Variants in ZDHHC2 observed in about 807,000 individuals in gnomAD.
ZDHHC2 encodes the protein zDHHC palmitoyltransferase 2.
A neutral mutation model predicts 55.6 loss-of-function variants in ZDHHC2; 51 were observed. That is an observed-to-expected ratio of 0.92 (90% CI 0.73 to 1.16). ZDHHC2 has a LOEUF of 1.16. ZDHHC2 is among the 50% of genes most tolerant of loss of function. The pLI is 0.00. For missense variants in ZDHHC2, 491 were observed against 442.4 expected (o/e 1.11, Z -0.99); for synonymous variants, 199 against 152.9 (o/e 1.30, Z -2.22).
chr8:17,217,237 C>T lies in ZDHHC2; in HGVS notation c.*25C>T, dbSNP rs1186732591. On this transcript the variant is annotated 3_prime_UTR_variant, in exon 12 of 13. Coordinates refer to ENST00000262096, the MANE Select transcript of ZDHHC2 (RefSeq NM_016353.5). ...ACTCTTCAAGCAAGATAAATTCATACTTTATAAAAGTACGATAATTTTCCC... is the reference window on the plus strand; with the variant it reads ...ACTCTTCAAGCAAGATAAATTCATATTTTATAAAAGTACGATAATTTTCCC... 1 of 1,599,490 alleles carries T rather than the reference C, an allele frequency of 6.3e-7. No homozygotes were observed. The highest frequency in any genetic ancestry group is 8.5e-7 in the Non-Finnish European group (1 of 1,172,312).
At chr8:17,200,431 C>T (rs1806695249) in intron 6 of ZDHHC2, among the ~76,000 whole-genome samples, 1 of 152,180 alleles carries the variant, frequency 6.6e-6, no homozygotes, top group African/African-American at 2.4e-5. Flanking sequence ...TGTTAAGCAC[C>T]CTCCTTTCTG....
intron 3 of ZDHHC2, among the ~76,000 whole-genome samples, chr8:17,192,902 C>G (rs58880203): frequency 6.6e-6 from 1 of 152,184 alleles, no homozygotes; most frequent in Non-Finnish European, 1.5e-5. Flanking sequence ...ATGTTCTTGG[C>G]ATCTGTGTTG....
rs80301750 is a variant in ZDHHC2 at position 17,199,616 on chromosome 8, T to G, written c.476+1203T>G. On this transcript the variant is annotated intron_variant, in intron 6 of 12. Transcript: ENST00000262096. ...TCTTCTTCTTTATTCTTTCTTCTTCTTCTTCTTCCTTTCTTCTTCTTCTCC... is the reference window on the plus strand; with the variant it reads ...TCTTCTTCTTTATTCTTTCTTCTTCGTCTTCTTCCTTTCTTCTTCTTCTCC... Among the ~76,000 whole-genome samples the G allele has an allele frequency of 5.0e-4, 27 of 53,560 alleles. 1 individual carries two copies. Among genetic ancestry groups the G allele is most frequent in the Non-Finnish European group, 1.6e-3 (21 of 12,912 alleles). The allele number at this position is 53,560 out of a possible 152,430, so 35.1% of individuals were successfully genotyped here.
chr8:17,160,435 G>C (rs998544827), intron 1 of ZDHHC2, among the ~76,000 whole-genome samples: 4 of 152,192 alleles, frequency 2.6e-5, no homozygotes, highest in Non-Finnish European at 5.9e-5. Flanking sequence ...AAAGCTTAAA[G>C]GTCATCCAGG....
chr8:17,168,172 G>A (rs1189669422), intron 1 of ZDHHC2, among the ~76,000 whole-genome samples: 2 of 152,092 alleles, frequency 1.3e-5, no homozygotes, highest in East Asian at 3.8e-4. Flanking sequence ...CCTATTGACT[G>A]AAAAAGGTCA....
At chr8:17,219,323 A>G (rs1807804305) in intron 12 of ZDHHC2, among the ~76,000 whole-genome samples, 1 of 151,512 alleles carries the variant, frequency 6.6e-6, no homozygotes, top group Admixed American at 6.6e-5. Context: ...TTTGAACTAC[A>G]ATAGTAAATG....
At chr8:17,219,524 A>G (rs1181471111) in intron 12 of ZDHHC2, among the ~76,000 whole-genome samples, 1 of 152,086 alleles carries the variant, frequency 6.6e-6, no homozygotes, top group East Asian at 1.9e-4. Context: ...GCGGAGGCCA[A>G]GGCAAGCAGA....
intron 1 of ZDHHC2, among the ~76,000 whole-genome samples, chr8:17,175,353 AT>A (rs1805077707): frequency 6.6e-6 from 1 of 152,068 alleles, no homozygotes; most frequent in Non-Finnish European, 1.5e-5. Flanking sequence ...ATTGTAATTT[AT>A]TTGCATTTTT....
intron 3 of ZDHHC2, among the ~76,000 whole-genome samples, chr8:17,189,237 A>G (rs1207455012): frequency 1.3e-5 from 2 of 151,040 alleles, no homozygotes; most frequent in Admixed American, 1.3e-4. Context: ...TCTTTATACA[A>G]ATGGTACCTT....
At chr8:17,174,964 C>T (rs994324223) in intron 1 of ZDHHC2, among the ~76,000 whole-genome samples, 9 of 151,912 alleles carry the variant, frequency 5.9e-5, no homozygotes, top group African/African-American at 1.7e-4. Flanking sequence ...TGGGCTCAAG[C>T]GATCCAGCTG....
At chr8:17,181,632 C>T (rs910779249) in intron 1 of ZDHHC2, among the ~76,000 whole-genome samples, 4 of 152,156 alleles carry the variant, frequency 2.6e-5, no homozygotes, top group African/African-American at 9.7e-5. Context: ...AATTGAAATT[C>T]TGTCTGTGAA....
intron 11 of ZDHHC2, among the ~76,000 whole-genome samples, chr8:17,216,803 A>G (rs1324685270): frequency 6.6e-6 from 1 of 152,148 alleles, no homozygotes; most frequent in Non-Finnish European, 1.5e-5. Flanking sequence ...AAGAAAAATG[A>G]GGTGAGAAAG....
chr8:17,213,582 A>T (rs1431715757), intron 10 of ZDHHC2, among the ~76,000 whole-genome samples: 1 of 152,082 alleles, frequency 6.6e-6, no homozygotes, highest in Admixed American at 6.6e-5. Flanking sequence ...AGCTCTTATT[A>T]TCACCTGACT....
chr8:17,156,882 C>T (rs1322184819), intron 1 of ZDHHC2, 29 bp downstream of exon 1: 2 of 1,476,530 alleles, frequency 1.4e-6, no homozygotes, highest in African/African-American at 1.5e-5. Context: ...GCGGCGCCCC[C>T]AGCGCAGCGC....
chr8:17,210,956 C>T (rs1454177924), intron 10 of ZDHHC2, among the ~76,000 whole-genome samples: 2 of 151,956 alleles, frequency 1.3e-5, no homozygotes, highest in Admixed American at 6.6e-5. Context: ...GACTTAGTGC[C>T]CTTGGAAGAC....
chr8:17,178,884 T>A (rs1418301842), intron 1 of ZDHHC2, among the ~76,000 whole-genome samples: 1 of 152,254 alleles, frequency 6.6e-6, no homozygotes, highest in East Asian at 1.9e-4. Context: ...GTCACTCTTA[T>A]CAGTCTTACC....
chr8:17,166,117 T>A (rs1192642916), intron 1 of ZDHHC2, among the ~76,000 whole-genome samples: 1 of 152,156 alleles, frequency 6.6e-6, no homozygotes, highest in Non-Finnish European at 1.5e-5. Context: ...TGCAGGGTGT[T>A]GAGTCCAGAG....
chr8:17,157,358 C>G lies in ZDHHC2; in HGVS notation c.130+505C>G, dbSNP rs540479964. 10 of 153,090 alleles carry G rather than the reference C, an allele frequency of 6.5e-5. No individual in the cohort carries two copies. The South Asian group carries it at 1.4e-3, about 22-fold the overall frequency. 9.5% of individuals were successfully genotyped at this position (153,090 alleles called of 1,614,324 possible). A position where few individuals can be genotyped will look rare whatever the true frequency, so the allele number is the denominator to read the frequency against. ...CAGCGCTCAGGGGCGTTTTTGCTGCCTTTATGATTTGAGGATTGCCAGTTG... is the reference window on the plus strand; with the variant it reads ...CAGCGCTCAGGGGCGTTTTTGCTGCGTTTATGATTTGAGGATTGCCAGTTG... On this transcript the variant is annotated intron_variant, in intron 1 of 12. Coordinates refer to ENST00000262096, the MANE Select transcript of ZDHHC2 (RefSeq NM_016353.5).
intron 12 of ZDHHC2, among the ~76,000 whole-genome samples, chr8:17,219,705 C>T (rs925435676): frequency 2.2e-4 from 33 of 151,980 alleles, no homozygotes; most frequent in South Asian, 2.1e-4. Flanking sequence ...GCCAGGGAGG[C>T]GGAATTTCCA....
Sources: gnomAD v4.1 joint callset for allele counts (sites outside exome capture counted in the v4.1 genomes callset) on GRCh38, gnomAD v4.1.1 for gene constraint, MANE v1.5 for transcripts, NCBI Gene and HGNC (gene_info 2026-07-23, HGNC 2026-07-21) for gene names.